Variants in CADPS observed in about 807,000 individuals in gnomAD.
CADPS encodes calcium dependent secretion activator, also known as calcium-dependent secretion activator 1.
Under a neutral mutation model 167.3 loss-of-function variants are expected in CADPS, and 57 were observed. The ratio of observed to expected loss-of-function variants is 0.34; its 90% confidence interval spans 0.28 to 0.42. The LOEUF is 0.42. Ranked by LOEUF, CADPS falls within the 20% of genes least tolerant of loss-of-function variation. The probability of loss-of-function intolerance (pLI) is 1.00; values close to 1 mark genes in which losing one functional copy is unlikely to be tolerated. For missense variants in CADPS, 1,414 were observed against 1,738.1 expected, an observed-to-expected ratio of 0.81 and a Z score of 3.32; for synonymous variants, 676 against 635.3, an observed-to-expected ratio of 1.06 and a Z score of -0.96.
chr3:62,564,324 G>T (rs1354773054), intron 9 of CADPS, among the ~76,000 whole-genome samples: 1 of 152,114 alleles, frequency 6.6e-6, no homozygotes, highest in African/African-American at 2.4e-5. Flanking sequence ...ATATTTGGCT[G>T]CTTACAAGCC....
intron 1 of CADPS, among the ~76,000 whole-genome samples, chr3:62,838,200 A>G (rs1165996394): frequency 6.6e-6 from 1 of 152,184 alleles, no homozygotes; most frequent in Non-Finnish European, 1.5e-5. Flanking sequence ...TATATTACTG[A>G]CCTCACTAAT....
chr3:62,477,890 CT>C, intron 23 of CADPS: 1 of 198,142 alleles, frequency 5.0e-6, no homozygotes, highest in East Asian at 1.1e-4. Flanking sequence ...GCATATTCTT[CT>C]TTTTTTCCCT....
chr3:62,534,855 T>C (rs1018852720), intron 12 of CADPS, among the ~76,000 whole-genome samples: 2 of 152,188 alleles, frequency 1.3e-5, no homozygotes, highest in African/African-American at 4.8e-5. Flanking sequence ...AGCTATTTTA[T>C]GCTATTCATA....
intron 3 of CADPS, among the ~76,000 whole-genome samples, chr3:62,725,031 G>C (rs941756269): frequency 6.6e-6 from 1 of 152,238 alleles, no homozygotes; most frequent in African/African-American, 2.4e-5. Context: ...TGGCCAGCCT[G>C]TCTGCCTGTT....
chr3:62,493,806 T>C, intron 18 of CADPS, 141 bp from the exon 19 acceptor site: 1 of 678,342 alleles, frequency 1.5e-6, no homozygotes, highest in East Asian at 2.8e-5. Flanking sequence ...GGGGAGATGC[T>C]GGCCTGTCAG....
intron 6 of CADPS, among the ~76,000 whole-genome samples, chr3:62,606,977 T>C (rs1471433582): frequency 6.6e-6 from 1 of 152,150 alleles, no homozygotes; most frequent in Non-Finnish European, 1.5e-5. Context: ...AGATGACAAA[T>C]GAGAATAAAT....
intron 3 of CADPS, among the ~76,000 whole-genome samples, chr3:62,725,554 T>C (rs1458792325): frequency 6.6e-6 from 1 of 152,078 alleles, no homozygotes; most frequent in Non-Finnish European, 1.5e-5. Flanking sequence ...TCCTCAACCA[T>C]TGAAGCAAGA....
chr3:62,863,274 T>C (rs1316358239), intron 1 of CADPS, among the ~76,000 whole-genome samples: 1 of 152,178 alleles, frequency 6.6e-6, no homozygotes, highest in Non-Finnish European at 1.5e-5. Flanking sequence ...CCATGTGCTA[T>C]ATCTGTGACC....
At position 62,492,287 on chromosome 3, in the gene CADPS, T is replaced by C; in HGVS notation, c.2884+3A>G. On this transcript the variant is annotated splice_donor_region_variant and intron_variant, in intron 20 of 29. Transcript: ENST00000383710. ...AAGTCAAACAGTCAAAGGTAATACA[T>C]ACAGTCAGTACGGAGAAAATCATTC... is the stretch of plus-strand genomic sequence containing the variant. 3.1e-6 allele frequency: 5 copies of C among 1,613,620 alleles called. No homozygotes were observed. Among genetic ancestry groups the C allele is most frequent in the Non-Finnish European group, 4.2e-6 (5 of 1,179,634 alleles).
chr3:62,761,128 C>T (rs2085300776), intron 2 of CADPS, among the ~76,000 whole-genome samples: 1 of 152,096 alleles, frequency 6.6e-6, no homozygotes, highest in Admixed American at 6.6e-5. Flanking sequence ...TGAAGTTAAA[C>T]TGGTCTGGTT....
At chr3:62,464,013 T>A (rs899744796) in intron 26 of CADPS, among the ~76,000 whole-genome samples, 2 of 152,206 alleles carry the variant, frequency 1.3e-5, no homozygotes, top group Non-Finnish European at 2.9e-5. Flanking sequence ...TGGAAAGAAG[T>A]TGTGTGCATG....
At chr3:62,667,505 G>T (rs2150654181) in intron 3 of CADPS, among the ~76,000 whole-genome samples, 1 of 152,150 alleles carries the variant, frequency 6.6e-6, no homozygotes. Flanking sequence ...GAAAAGCCTA[G>T]ACTGGTATTT....
At chr3:62,506,587 A>G (rs893081603) in intron 17 of CADPS, among the ~76,000 whole-genome samples, 7 of 152,122 alleles carry the variant, frequency 4.6e-5, no homozygotes, top group African/African-American at 1.7e-4. Context: ...TTCTGCATGG[A>G]CATTGTGTTG....
intron 7 of CADPS, among the ~76,000 whole-genome samples, chr3:62,590,974 C>T (rs1379503066): frequency 2.0e-5 from 3 of 152,240 alleles, no homozygotes; most frequent in South Asian, 2.1e-4. Context: ...CCTGCCTCAG[C>T]CTCCTGAGTA....
intron 3 of CADPS, among the ~76,000 whole-genome samples, chr3:62,674,583 A>T (rs2076057785): frequency 6.6e-6 from 1 of 152,154 alleles, no homozygotes; most frequent in Admixed American, 6.5e-5. Context: ...TAGTTCTTTT[A>T]AAAGTAACTG....
rs558384071 is a variant in CADPS, at chr3:62,650,033, C to T, written c.1203+814G>A. Among the ~76,000 whole-genome samples the T allele has an allele frequency of 6.6e-5, 10 of 152,216 alleles. No individual in the cohort carries two copies. In the East Asian group the frequency reaches 1.9e-3, roughly 29 times the overall value. ...TTTGGGCTATTATAAATAATGCTGC[C>T]ATAAATATTTACAGTCAAATCTTTG... is the stretch of plus-strand genomic sequence containing the variant. On this transcript the variant is annotated intron_variant, in intron 5 of 29. Coordinates refer to ENST00000383710, the MANE Select transcript of CADPS (RefSeq NM_003716.4).
chr3:62,788,813 A>C (rs1385242323), intron 1 of CADPS, among the ~76,000 whole-genome samples: 1 of 152,134 alleles, frequency 6.6e-6, no homozygotes, highest in Non-Finnish European at 1.5e-5. Flanking sequence ...GGAAAGCAGG[A>C]TTTTGCCCAT....
intron 7 of CADPS, among the ~76,000 whole-genome samples, chr3:62,591,424 C>T (rs559240059): frequency 1.0e-3 from 152 of 152,202 alleles, no homozygotes; most frequent in African/African-American, 3.2e-3. Flanking sequence ...TGCATTTATG[C>T]TTTTTGAAGG....
At chr3:62,769,162 C>G (rs1344555633) in intron 1 of CADPS, among the ~76,000 whole-genome samples, 1 of 152,008 alleles carries the variant, frequency 6.6e-6, no homozygotes, top group East Asian at 1.9e-4. Flanking sequence ...AAAATACTCA[C>G]TGCAGAACTT....
Sources: gnomAD v4.1 joint callset for allele counts (sites outside exome capture counted in the v4.1 genomes callset) on GRCh38, gnomAD v4.1.1 for gene constraint, MANE v1.5 for transcripts, NCBI Gene and HGNC (gene_info 2026-07-23, HGNC 2026-07-21) for gene names.